The following EYS variants were observed in gnomAD, a reference collection of about 807,000 sequenced individuals.
The protein encoded by EYS is protein eyes shut homolog.
EYS carries 250 observed loss-of-function variants against 282.1 expected under a neutral mutation model. The observed-to-expected ratio is 0.89, with a 90% CI of 0.80 to 0.98. EYS has a LOEUF of 0.98. Among genes scored for constraint, EYS ranks in the 50% least tolerant of loss-of-function variants. EYS has a pLI of 0.00. For synonymous variants in EYS, 1,355 were observed against 1,282.9 expected, an observed-to-expected ratio of 1.06 and a Z score of -1.20; for missense variants, 4,016 against 3,709.0, an observed-to-expected ratio of 1.08 and a Z score of -2.15.
At chr6:65,630,444 T>C (rs1174705208) in intron 2 of EYS, among the ~76,000 whole-genome samples, 1 of 152,236 alleles carries the variant, frequency 6.6e-6, no homozygotes, top group African/African-American at 2.4e-5. Context: ...ATAGAGCATT[T>C]TTCTGCTTTT....
At chr6:64,703,659 A>C (rs1030465618) in intron 22 of EYS, among the ~76,000 whole-genome samples, 1 of 151,600 alleles carries the variant, frequency 6.6e-6, no homozygotes, top group South Asian at 2.1e-4. Flanking sequence ...TACAACATTC[A>C]TGAAGAGGGA....
chr6:64,540,249 C>T (rs1474023038), intron 26 of EYS, among the ~76,000 whole-genome samples: 1 of 152,074 alleles, frequency 6.6e-6, no homozygotes, highest in African/African-American at 2.4e-5. Context: ...TTTGGCTTGA[C>T]TCTGCTCAAG....
At chr6:64,215,316 T>G (rs1429439016) in intron 31 of EYS, among the ~76,000 whole-genome samples, 1 of 151,320 alleles carries the variant, frequency 6.6e-6, no homozygotes, top group African/African-American at 2.4e-5. Context: ...TTTTTAAAGT[T>G]TTTTTTCAAG....
chr6:65,296,195 T>G, intron 11 of EYS, 76 bp from the exon 12 acceptor site: 1 of 1,304,312 alleles, frequency 7.7e-7, no homozygotes. Flanking sequence ...AAATCACACA[T>G]TTATTTAAAA....
At chr6:64,766,679 TATATAA>T (rs1256715945) in intron 22 of EYS, among the ~76,000 whole-genome samples, 1 of 108,634 alleles carries the variant, frequency 9.2e-6, no homozygotes, top group African/African-American at 3.4e-5. Context: ...TATATATATA[TATATAA>T]AATCTAACAA....
At chr6:64,685,362 C>T (rs576874600) in intron 22 of EYS, among the ~76,000 whole-genome samples, 65 of 152,242 alleles carry the variant, frequency 4.3e-4, no homozygotes, top group Middle Eastern at 3.4e-3. Context: ...TTATTAACCA[C>T]TGCTATCATT....
chr6:64,952,759 T>C (rs187811559), intron 14 of EYS, among the ~76,000 whole-genome samples: 36 of 152,216 alleles, frequency 2.4e-4, no homozygotes, highest in African/African-American at 7.5e-4. Flanking sequence ...TATGTACATA[T>C]AAGCTGTATT....
chr6:65,014,156 C>T (rs577102908), intron 13 of EYS, among the ~76,000 whole-genome samples: 1 of 152,258 alleles, frequency 6.6e-6, no homozygotes, highest in South Asian at 2.1e-4. Context: ...ACACTCTAGA[C>T]AGCCAGTAAG....
chr6:65,295,972 G>T lies in EYS; in HGVS notation c.1914C>A (p.Asn638Lys), dbSNP rs1304878362. Residue 638 changes from asparagine to lysine, a missense_variant, in exon 12 of 43, where the codon AAC (asparagine) becomes AAA (lysine). By Grantham distance (94) the Asn-to-Lys change is moderately conservative. Coordinates refer to ENST00000503581, the MANE Select transcript of EYS (RefSeq NM_001142800.2). Reference protein sequence around the residue: ...NCSGLQRYERNICEIDTEDCK... With the variant: ...NCSGLQRYERKICEIDTEDCK... ...AGTCTTCAGTATCTATCTCACAGAT[G>T]TTCCTTTCATATCTTTGCAGACCGC... 1.3e-6 allele frequency: 2 copies of T among 1,551,120 alleles called. No individual in the cohort carries two copies. The highest frequency in any genetic ancestry group is 1.7e-6 in the Non-Finnish European group (2 of 1,146,570).
At chr6:64,630,205 C>A (rs1000515736) in intron 22 of EYS, among the ~76,000 whole-genome samples, 3 of 152,100 alleles carry the variant, frequency 2.0e-5, no homozygotes, top group Non-Finnish European at 4.4e-5. Flanking sequence ...AAGTGATTCC[C>A]CTCCCTCAGC....
At chr6:65,392,678 A>G (rs1309483750) in intron 7 of EYS, among the ~76,000 whole-genome samples, 185 of 152,012 alleles carry the variant, frequency 1.2e-3, no homozygotes, top group Non-Finnish European at 2.2e-3. Context: ...AACAACAGGT[A>G]ATGGAGAGGA....
At chr6:64,446,542 G>A (rs1026122970) in intron 26 of EYS, among the ~76,000 whole-genome samples, 5 of 142,382 alleles carry the variant, frequency 3.5e-5, no homozygotes, top group African/African-American at 1.1e-4. Flanking sequence ...AGGAATCTTA[G>A]CTTGGGGCAT....
chr6:65,128,639 G>A (rs1380571128), intron 12 of EYS, among the ~76,000 whole-genome samples: 1 of 151,868 alleles, frequency 6.6e-6, no homozygotes, highest in Middle Eastern at 3.2e-3. Context: ...GCTCTTCAAG[G>A]AGAACTACAA....
chr6:64,022,971 T>C (rs1413712799), intron 33 of EYS, among the ~76,000 whole-genome samples: 1 of 152,242 alleles, frequency 6.6e-6, no homozygotes, highest in Admixed American at 6.5e-5. Flanking sequence ...TTTAATTTTT[T>C]ACTCGACTTC....
chr6:64,013,718 T>C (rs931088938), intron 33 of EYS, among the ~76,000 whole-genome samples: 4 of 152,184 alleles, frequency 2.6e-5, no homozygotes, highest in Non-Finnish European at 4.4e-5. Context: ...CTGAGTTTCT[T>C]GAACATTTCT....
At position 64,573,320 on chromosome 6, in the gene EYS, C is replaced by T. The variant is rs183291824; in HGVS notation, c.5644+16903G>A. 7.9e-5 allele frequency among the ~76,000 whole-genome samples: 12 copies of T among 152,202 alleles called. No homozygotes were observed. In the East Asian group the frequency reaches 1.7e-3, roughly 22 times the overall value. Reference sequence around the variant, plus strand: ...ACGTAAGTCCTAAAGCCATAAAAACCCTAGAAGAAAACCTAGGCAATCAAT... The same window carrying T: ...ACGTAAGTCCTAAAGCCATAAAAACTCTAGAAGAAAACCTAGGCAATCAAT... On this transcript the variant is annotated intron_variant, in intron 26 of 42. Transcript: ENST00000503581.
intron 37 of EYS, among the ~76,000 whole-genome samples, chr6:63,789,922 TGGC>T (rs931229014): frequency 2.0e-5 from 3 of 152,122 alleles, no homozygotes; most frequent in African/African-American, 7.2e-5. Flanking sequence ...GCAGTATCCT[TGGC>T]GGGATTAAGA....
intron 34 of EYS, among the ~76,000 whole-genome samples, chr6:63,986,078 A>C (rs142329150): frequency 1.3e-5 from 2 of 151,910 alleles, no homozygotes. Context: ...CAAATTTACA[A>C]GAGAAAAACA....
intron 12 of EYS, among the ~76,000 whole-genome samples, chr6:65,221,709 T>C (rs1378595315): frequency 6.6e-6 from 1 of 152,102 alleles, no homozygotes; most frequent in Non-Finnish European, 1.5e-5. Context: ...AGGGCCACTG[T>C]CCTCTAGACC....
Sources: gnomAD v4.1 joint callset for allele counts (sites outside exome capture counted in the v4.1 genomes callset) on GRCh38, gnomAD v4.1.1 for gene constraint, MANE v1.5 for transcripts, NCBI Gene and HGNC (gene_info 2026-07-23, HGNC 2026-07-21) for gene names.